The following COMMD1 variants were observed in gnomAD, a reference collection of about 807,000 sequenced individuals.
The protein encoded by COMMD1 is copper metabolism domain containing 1.
In COMMD1, 10 loss-of-function variants were observed where a neutral mutation model predicts 17.2. The observed-to-expected ratio is 0.58, with a 90% CI of 0.36 to 0.99. The LOEUF is 0.99. Among genes scored for constraint, COMMD1 ranks in the 50% least tolerant of loss-of-function variants. COMMD1 has a pLI of 0.01. For missense variants in COMMD1, 270 were observed against 231.8 expected, an observed-to-expected ratio of 1.17 and a Z score of -1.07; for synonymous variants, 97 against 91.6, an observed-to-expected ratio of 1.06 and a Z score of -0.34.
upstream of COMMD1, among the ~76,000 whole-genome samples, chr2:61,904,300 C>T (rs552493558): frequency 1.3e-5 from 2 of 152,290 alleles, no homozygotes; most frequent in South Asian, 2.1e-4. Context: ...CGTGAGCCAC[C>T]GTGCCCGGCA....
At chr2:61,914,854 C>T (rs1670010037) in intron 1 of COMMD1, among the ~76,000 whole-genome samples, 1 of 151,554 alleles carries the variant, frequency 6.6e-6, no homozygotes. Context: ...CCACGCCTGG[C>T]TAAATTTTGT....
intron 2 of COMMD1, among the ~76,000 whole-genome samples, chr2:62,065,051 C>T (rs1003276079): frequency 7.2e-5 from 11 of 152,190 alleles, no homozygotes; most frequent in African/African-American, 2.4e-4. Context: ...ACCTGTAATC[C>T]CAGCTACTTG....
chr2:62,118,812 T>C (rs1470796763), intron 2 of COMMD1: 2 of 152,274 alleles, frequency 1.3e-5, no homozygotes, highest in Non-Finnish European at 2.9e-5. Flanking sequence ...CAGATAGCTT[T>C]GGTCTGTTGT....
intron 1 of COMMD1, among the ~76,000 whole-genome samples, chr2:61,899,531 G>T (rs996250757): frequency 1.3e-5 from 2 of 152,030 alleles, no homozygotes; most frequent in Admixed American, 1.3e-4. Flanking sequence ...TCTTTCTCCT[G>T]TTAACCTGTC....
chr2:62,010,661 T>C (rs1669252451), intron 2 of COMMD1, among the ~76,000 whole-genome samples: 1 of 152,178 alleles, frequency 6.6e-6, no homozygotes, highest in Non-Finnish European at 1.5e-5. Context: ...GGCACCTCCA[T>C]TCTTCCAGTT....
chr2:62,134,684 G>A (rs1280762439), intron 2 of COMMD1, among the ~76,000 whole-genome samples: 1 of 151,946 alleles, frequency 6.6e-6, no homozygotes, highest in African/African-American at 2.4e-5. Context: ...AGGCTGAGGT[G>A]GGAGGATCAC....
chr2:62,059,951 G>A (rs918595367), intron 2 of COMMD1, among the ~76,000 whole-genome samples: 1 of 151,870 alleles, frequency 6.6e-6, no homozygotes, highest in Non-Finnish European at 1.5e-5. Flanking sequence ...TTTGGGGGGG[G>A]AATTCCATTT....
intron 1 of COMMD1, among the ~76,000 whole-genome samples, chr2:61,922,083 C>G (rs931430250): frequency 6.6e-6 from 1 of 152,000 alleles, no homozygotes; most frequent in Non-Finnish European, 1.5e-5. Flanking sequence ...AGTTTTATAG[C>G]CCTTTTAATA....
At chr2:62,077,504 A>T (rs1016431796) in intron 2 of COMMD1, among the ~76,000 whole-genome samples, 1 of 152,166 alleles carries the variant, frequency 6.6e-6, no homozygotes, top group African/African-American at 2.4e-5. Context: ...TACGCATGTC[A>T]TAGGCAACTT....
chr2:62,104,088 G>A (rs995723430), intron 2 of COMMD1, among the ~76,000 whole-genome samples: 6 of 151,998 alleles, frequency 3.9e-5, no homozygotes, highest in Non-Finnish European at 5.9e-5. Flanking sequence ...GGATCCACTC[G>A]CTTCAGCCTC....
At chr2:61,897,402 G>C (rs1558513823) in intron 1 of COMMD1, among the ~76,000 whole-genome samples, 2 of 152,118 alleles carry the variant, frequency 1.3e-5, no homozygotes, top group Admixed American at 6.6e-5. Context: ...TTGTTAAGTT[G>C]TGTTTTGTTA....
At chr2:62,038,799 T>C (rs1402664559) in intron 2 of COMMD1, among the ~76,000 whole-genome samples, 3 of 152,136 alleles carry the variant, frequency 2.0e-5, no homozygotes, top group Admixed American at 6.5e-5. Context: ...TTTGCCTGCC[T>C]TGGCTTCCCA....
At chr2:61,972,567 C>A (rs1298815017) in intron 1 of COMMD1, among the ~76,000 whole-genome samples, 1 of 152,166 alleles carries the variant, frequency 6.6e-6, no homozygotes, top group East Asian at 1.9e-4. Flanking sequence ...ACATTAACAA[C>A]CACAAGCCAT....
intron 2 of COMMD1, among the ~76,000 whole-genome samples, chr2:62,039,543 T>G (rs1670127627): frequency 6.6e-6 from 1 of 152,048 alleles, no homozygotes; most frequent in Non-Finnish European, 1.5e-5. Context: ...TCAGGGGGAG[T>G]AAGCTGCTCT....
chr2:61,926,169 C>T (rs1427851368), intron 1 of COMMD1, among the ~76,000 whole-genome samples: 2 of 152,096 alleles, frequency 1.3e-5, no homozygotes, highest in African/African-American at 4.8e-5. Flanking sequence ...GACGGGGTTT[C>T]ACTGTGTTAG....
Position 62,000,843 on chromosome 2 carries a change from G to T in COMMD1, c.323G>T (p.Ser108Ile), listed in dbSNP as rs1445234465. ...WKSHKTKIRE[S>I]LMNQSRWNSG... ...AGCCACAAGACAAAAATCCGTGAGA[G>T]CCTCATGAACCAGAGCCGCTGGAAT... The change falls in exon 2 of 3, where the codon AGC (serine) becomes ATC (isoleucine). Residue 108 changes from serine (S) to isoleucine (I), a missense_variant. Physicochemically the swap from Ser to Ile is moderately radical, Grantham distance 142. Coordinates refer to ENST00000311832, the MANE Select transcript of COMMD1 (RefSeq NM_152516.4). 1.2e-6 allele frequency: 2 copies of T among 1,614,030 alleles called. No individual in the cohort carries two copies. Among genetic ancestry groups the T allele is most frequent in the Non-Finnish European group, 1.7e-6 (2 of 1,180,034 alleles).
chr2:62,011,676 T>G (rs1669282339), intron 2 of COMMD1, among the ~76,000 whole-genome samples: 1 of 152,168 alleles, frequency 6.6e-6, no homozygotes, highest in Non-Finnish European at 1.5e-5. Flanking sequence ...ACAAGTTTAT[T>G]ATCTTATGGA....
chr2:62,060,865 C>A (rs1347663923), intron 2 of COMMD1, among the ~76,000 whole-genome samples: 1 of 152,100 alleles, frequency 6.6e-6, no homozygotes, highest in Non-Finnish European at 1.5e-5. Flanking sequence ...TTTAATACTG[C>A]ATCCCATATG....
chr2:62,042,619 C>T (rs573566008), intron 2 of COMMD1, among the ~76,000 whole-genome samples: 26 of 152,308 alleles, frequency 1.7e-4, no homozygotes, highest in African/African-American at 5.8e-4. Context: ...CACACCTCCC[C>T]GCGAGCAGGG....
Sources: allele counts gnomAD v4.1 joint callset (sites outside exome capture counted in the v4.1 genomes callset), GRCh38; gene constraint gnomAD v4.1.1; transcripts MANE v1.5; gene names NCBI Gene and HGNC (gene_info 2026-07-23, HGNC 2026-07-21).